Variants in ASAP1 observed in about 807,000 individuals in gnomAD.
ASAP1 encodes the protein arf-GAP with SH3 domain, ANK repeat and PH domain-containing protein 1.
In ASAP1, 43 loss-of-function variants were observed where a neutral mutation model predicts 145.2. The ratio of observed to expected loss-of-function variants is 0.30; its 90% confidence interval spans 0.23 to 0.38. The LOEUF is 0.38. Among genes scored for constraint, ASAP1 ranks in the 10% least tolerant of loss-of-function variants. The pLI, the probability that ASAP1 is intolerant of heterozygous loss-of-function variation, is 1.00. For synonymous variants in ASAP1, 546 were observed against 515.5 expected (o/e 1.06, Z -0.80); for missense variants, 1,018 against 1,355.3 (o/e 0.75, Z 3.91).
At chr8:130,428,570 C>CCAT (rs764604968) in intron 1 of ASAP1, among the ~76,000 whole-genome samples, 2 of 143,620 alleles carry the variant, frequency 1.4e-5, no homozygotes, top group Admixed American at 7.0e-5. Context: ...ATCATCACCA[C>CCAT]CATCATCATC....
At chr8:130,357,729 G>A (rs1244241560) in intron 3 of ASAP1, among the ~76,000 whole-genome samples, 2 of 152,244 alleles carry the variant, frequency 1.3e-5, no homozygotes, top group African/African-American at 4.8e-5. Flanking sequence ...GCCGAACAGT[G>A]CATGCCAGGG....
chr8:130,267,728 A>G (rs1391463631), intron 3 of ASAP1, among the ~76,000 whole-genome samples: 2 of 152,204 alleles, frequency 1.3e-5, no homozygotes, highest in African/African-American at 4.8e-5. Context: ...CATTGGGTAG[A>G]ATATTTTCCT....
chr8:130,230,293 T>A (rs1817836272), intron 4 of ASAP1, among the ~76,000 whole-genome samples: 1 of 152,150 alleles, frequency 6.6e-6, no homozygotes, highest in Non-Finnish European at 1.5e-5. Flanking sequence ...CACAGGCTCA[T>A]ACACACAGTG....
At chr8:130,364,316 G>GA (rs1403930558) in intron 2 of ASAP1, among the ~76,000 whole-genome samples, 1 of 152,236 alleles carries the variant, frequency 6.6e-6, no homozygotes, top group Non-Finnish European at 1.5e-5. Flanking sequence ...TCCTATGAAA[G>GA]AATAATTGTG....
At chr8:130,382,813 C>T (rs1466499481) in intron 2 of ASAP1, among the ~76,000 whole-genome samples, 1 of 150,198 alleles carries the variant, frequency 6.7e-6, no homozygotes, top group Non-Finnish European at 1.5e-5. Context: ...CACCACTGCA[C>T]TTCAACCTGG....
intron 3 of ASAP1, chr8:130,247,143 C>T (rs1818900290): frequency 1.3e-5 from 2 of 152,188 alleles, no homozygotes; most frequent in Admixed American, 1.3e-4. Flanking sequence ...ACTAAAGGTA[C>T]TGTTAACACC....
intron 13 of ASAP1, among the ~76,000 whole-genome samples, chr8:130,144,639 C>T (rs184521714): frequency 2.3e-4 from 35 of 152,296 alleles, no homozygotes; most frequent in Non-Finnish European, 4.1e-4. Flanking sequence ...GATGCACGTT[C>T]CAAATTCCAA....
intron 4 of ASAP1, among the ~76,000 whole-genome samples, chr8:130,216,671 G>T (rs1241234900): frequency 6.6e-6 from 1 of 151,970 alleles, no homozygotes; most frequent in Non-Finnish European, 1.5e-5. Context: ...TCAGTCTTAC[G>T]GCTTTAAATA....
At chr8:130,107,180 CTTCT>C (rs1320003237) in intron 24 of ASAP1, among the ~76,000 whole-genome samples, 2 of 113,862 alleles carry the variant, frequency 1.8e-5, no homozygotes, top group African/African-American at 6.7e-5. Flanking sequence ...CTCTCTTCTT[CTTCT>C]TTTTTTTTTT....
chr8:130,111,004 A>G (rs1348196740), intron 24 of ASAP1, among the ~76,000 whole-genome samples: 1 of 152,104 alleles, frequency 6.6e-6, no homozygotes, highest in African/African-American at 2.4e-5. Flanking sequence ...TGGCTGAGGC[A>G]ACACTTTAAT....
At chr8:130,438,966 G>C (rs889992377) in intron 1 of ASAP1, among the ~76,000 whole-genome samples, 16 of 152,324 alleles carry the variant, frequency 1.1e-4, no homozygotes, top group African/African-American at 3.6e-4. Flanking sequence ...AACACATTAG[G>C]TTCCATGAGT....
Position 130,269,259 on chromosome 8 carries a change from A to T in ASAP1, c.187-32265T>A, listed in dbSNP as rs2137056657. On this transcript the variant is annotated intron_variant, in intron 3 of 29. Transcript: ENST00000518721. ...TCTGGTTTAGCTGTGGATAAATTTG[A>T]AAGTAAAATCCGAGGTTTGCAGAAT... Among the ~76,000 whole-genome samples the T allele has an allele frequency of 1.3e-5, 2 of 152,312 alleles. 1 individual carries two copies. Among genetic ancestry groups the T allele is most frequent in the African/African-American group, 4.8e-5 (2 of 41,574 alleles).
intron 25 of ASAP1, among the ~76,000 whole-genome samples, chr8:130,085,734 T>TAAA (rs1330939171): frequency 4.4e-5 from 2 of 45,448 alleles, no homozygotes; most frequent in South Asian, 9.9e-4. Flanking sequence ...GACGTTGTCT[T>TAAA]TAAGAAAAAA....
chr8:130,388,278 C>T (rs1565273382), intron 2 of ASAP1, among the ~76,000 whole-genome samples: 1 of 152,192 alleles, frequency 6.6e-6, no homozygotes, highest in South Asian at 2.1e-4. Flanking sequence ...GGGGCTAGAT[C>T]ATGCTAGTCT....
At chr8:130,123,968 A>T in intron 18 of ASAP1, 45 bp downstream of exon 18, 1 of 1,446,842 alleles carries the variant, frequency 6.9e-7, no homozygotes, top group Admixed American at 1.8e-5. Flanking sequence ...TAGAAAAACA[A>T]TTATAGAATG....
chr8:130,214,805 A>C, intron 4 of ASAP1, 104 bp from the exon 5 acceptor site: 1 of 986,020 alleles, frequency 1.0e-6, no homozygotes, highest in Non-Finnish European at 1.5e-6. Context: ...GGAAGCATAA[A>C]CTGTATCAAT....
chr8:130,263,799 C>A (rs959547015), intron 3 of ASAP1, among the ~76,000 whole-genome samples: 4 of 152,232 alleles, frequency 2.6e-5, no homozygotes, highest in Non-Finnish European at 5.9e-5. Context: ...CTTCTACCAA[C>A]TATGCACAGA....
At position 130,358,735 on chromosome 8, in the gene ASAP1, G is replaced by T. The variant is rs937178526; in HGVS notation, c.60-592C>A. Among the ~76,000 whole-genome samples, 1 of 18,160 alleles carries T rather than the reference G, an allele frequency of 5.5e-5. No homozygotes were observed. The highest frequency in any genetic ancestry group is 1.0e-4 in the Non-Finnish European group (1 of 9,638). The allele number at this position is 18,160 out of a possible 152,430, so 11.9% of individuals were successfully genotyped here. On this transcript the variant is annotated intron_variant, in intron 2 of 29. Coordinates refer to ENST00000518721, the MANE Select transcript of ASAP1 (RefSeq NM_018482.4). The surrounding 1 kb of genome is among the most constrained non-coding windows in gnomAD (Gnocchi z 4.1). Reference sequence around the variant, plus strand: ...CCCTCCCCGCCCGCGCCCCGCCCCCGGCCCGGCCCCCGCCCCGCCCCGCCC... The same window carrying T: ...CCCTCCCCGCCCGCGCCCCGCCCCCTGCCCGGCCCCCGCCCCGCCCCGCCC...
At chr8:130,305,147 C>T (rs1194613739) in intron 3 of ASAP1, among the ~76,000 whole-genome samples, 2 of 152,178 alleles carry the variant, frequency 1.3e-5, no homozygotes, top group African/African-American at 4.8e-5. Flanking sequence ...TACCACACTG[C>T]CCAACAATCA....
Sources: allele counts gnomAD v4.1 joint callset (sites outside exome capture counted in the v4.1 genomes callset), GRCh38; gene constraint gnomAD v4.1.1; non-coding constraint Gnocchi (gnomAD v3.1); transcripts MANE v1.5; gene names NCBI Gene and HGNC (gene_info 2026-07-23, HGNC 2026-07-21).